IKZF4: variants seen among roughly 807,000 people sequenced by gnomAD.
The protein encoded by IKZF4 is zinc finger protein Eos.
Under a neutral mutation model 47.7 loss-of-function variants are expected in IKZF4, and 11 were observed. That is an observed-to-expected ratio of 0.23 (90% CI 0.15 to 0.38). The LOEUF (loss-of-function observed/expected upper bound fraction) is 0.38, where lower values mean the gene tolerates loss of function less well. Ranked by LOEUF, IKZF4 falls within the 10% of genes least tolerant of loss-of-function variation. IKZF4 has a pLI of 1.00. For missense variants in IKZF4, 557 were observed against 784.9 expected (o/e 0.71, Z 3.47); for synonymous variants, 298 against 299.4 (o/e 1.00, Z 0.05).
At chr12:56,022,789 C>CAG (rs1312273637) in intron 1 of IKZF4, among the ~76,000 whole-genome samples, 1 of 150,082 alleles carries the variant, frequency 6.7e-6, no homozygotes, top group East Asian at 1.9e-4. Context: ...GCTTTTCCCT[C>CAG]AGTGTTTCTT....
rs777216528 is a variant in IKZF4, at chr12:56,027,767, C to G, written c.548-13C>G. The G allele has an allele frequency of 1.9e-6, 3 of 1,610,478 alleles. No individual in the cohort carries two copies. The highest frequency in any genetic ancestry group is 2.5e-6 in the Non-Finnish European group (3 of 1,178,224). Reference sequence around the variant, plus strand: ...CACATGCAGTCCTCTGGGATTTGTTCTTTCACTTGCAGGTGAAAGGCCCTT... The same window carrying G: ...CACATGCAGTCCTCTGGGATTTGTTGTTTCACTTGCAGGTGAAAGGCCCTT... On this transcript the variant is annotated splice_polypyrimidine_tract_variant and intron_variant, in intron 4 of 7. Coordinates refer to ENST00000547167, the MANE Select transcript of IKZF4 (RefSeq NM_022465.4).
chr12:56,027,721 G>A (rs1894256038), intron 4 of IKZF4, 59 bp from the exon 5 acceptor site: 7 of 1,561,242 alleles, frequency 4.5e-6, no homozygotes, highest in Non-Finnish European at 6.1e-6. Flanking sequence ...GTGGGTGATA[G>A]GTTCAACCTT....
rs989806793 is a variant in IKZF4, at chr12:56,037,827, C to A, written c.*2496C>A. 1 of 151,918 alleles carries A rather than the reference C, an allele frequency of 6.6e-6. No homozygotes were observed. Among genetic ancestry groups the A allele is most frequent in the Non-Finnish European group, 1.5e-5 (1 of 67,942 alleles). The allele number at this position is 151,918 out of a possible 1,614,324, so 9.4% of individuals were successfully genotyped here. ...AACATCCTCATGCTCTCTCCCAGCT[C>A]CTTTTGCATAAAAAAAAAAGTAAAG... On this transcript the variant is annotated 3_prime_UTR_variant, in exon 8 of 8. Transcript: ENST00000547167.
intron 1 of IKZF4, among the ~76,000 whole-genome samples, chr12:56,022,797 CTTTTTTT>C (rs34923817): frequency 7.9e-6 from 1 of 126,292 alleles, no homozygotes; most frequent in South Asian, 2.5e-4. Context: ...CTCAGTGTTT[CTTTTTTT>C]TTTTTTTTTT....
chr12:56,032,354 A>AT lies in IKZF4; in HGVS notation c.716-206dup, dbSNP rs1895030799. On this transcript the variant is annotated intron_variant, in intron 5 of 7. Transcript: ENST00000547167. ...CATGCCCTAGGATTCCCTTGCCCCC[A>AT]TAACTGCACATTATCCTTCATCATC... The AT allele has an allele frequency of 4.5e-5, 25 of 551,826 alleles. No individual in the cohort carries two copies. The South Asian group carries it at 5.6e-4, about 12-fold the overall frequency. The allele number at this position is 551,826 out of a possible 1,614,324, so 34.2% of individuals were successfully genotyped here. A position where few individuals can be genotyped will look rare whatever the true frequency, so the allele number is the denominator to read the frequency against.
At chr12:56,023,841 CTCTT>C (rs1308755314) in intron 2 of IKZF4, 77 bp downstream of exon 2, 1 of 1,552,906 alleles carries the variant, frequency 6.4e-7, no homozygotes, top group African/African-American at 1.4e-5. Context: ...GGCTTCCTCT[CTCTT>C]TCTTGCACTC....
intron 5 of IKZF4, among the ~76,000 whole-genome samples, chr12:56,030,921 C>T (rs11613544): frequency 0.016 from 2,404 of 152,182 alleles, 21 homozygotes; most frequent in Middle Eastern, 0.037. Flanking sequence ...ATTTCAAAAT[C>T]GCTAGAAGAG....
chr12:56,025,315 T>A (rs1213609028), intron 3 of IKZF4, among the ~76,000 whole-genome samples, 157 bp downstream of exon 3: 3 of 152,364 alleles, frequency 2.0e-5, no homozygotes, highest in Admixed American at 2.0e-4. Context: ...TCTAGGGTTT[T>A]TCTGGCTTCT....
chr12:56,035,149 C>T lies in IKZF4; in HGVS notation c.1576C>T (p.Pro526Ser). Residue 526 changes from proline to serine, a missense_variant, in exon 8 of 8, where the codon CCT (proline) becomes TCT (serine). Pro to Ser is a moderately conservative substitution (Grantham distance 74). Transcript: ENST00000547167. The surrounding 1 kb of genome is among the most constrained non-coding windows in gnomAD (Gnocchi z 6.1). ...VLRVVGESGE[P>S]VKAFKCEHCR... The stretch of plus-strand genomic sequence containing the variant: ...TCGGGTGGTGGGCGAGAGTGGTGAG[C>T]CTGTGAAGGCCTTCAAGTGTGAGCA... 1 of 1,614,088 alleles carries T rather than the reference C, an allele frequency of 6.2e-7. No individual in the cohort carries two copies. The highest frequency in any genetic ancestry group is 8.5e-7 in the Non-Finnish European group (1 of 1,179,938).
chr12:56,026,062 A>G (rs1280733491), intron 3 of IKZF4, among the ~76,000 whole-genome samples: 1 of 152,040 alleles, frequency 6.6e-6, no homozygotes, highest in African/African-American at 2.4e-5. Context: ...CAGCCTCCGA[A>G]GTAGCTGGGA....
rs1205340340 is a variant in IKZF4, at chr12:56,025,079, G to A, written c.207G>A (p.Lys69=). The A allele has an allele frequency of 6.3e-7, 1 of 1,597,658 alleles. No individual in the cohort carries two copies. Among genetic ancestry groups the A allele is most frequent in the Admixed American group, 1.7e-5 (1 of 57,578 alleles). Residue 69 remains lysine, a synonymous_variant, in exon 3 of 8, where the codon AAG becomes AAA. Coordinates refer to ENST00000547167, the MANE Select transcript of IKZF4 (RefSeq NM_022465.4). ...CESSGDSSLE[K]EFLGAPVGPS... ...GTAGCGGGGACTCATCTCTGGAGAA[G>A]GAGTTCCTCGGGGCCCCAGTGGGGC...
chr12:56,021,230 C>G lies in IKZF4; in HGVS notation c.-264C>G. The G allele has an allele frequency of 2.8e-6, 4 of 1,454,124 alleles. No homozygotes were observed. Among genetic ancestry groups the G allele is most frequent in the Non-Finnish European group, 3.6e-6 (4 of 1,104,474 alleles). The allele number at this position is 1,454,124 out of a possible 1,614,324, so 90.1% of individuals were successfully genotyped here. Reference sequence around the variant, plus strand: ...TACACATATACATTCTCTCCAGCCCCCTCCCCAAGCACATCCAAGCGTGCT... The same window carrying G: ...TACACATATACATTCTCTCCAGCCCGCTCCCCAAGCACATCCAAGCGTGCT... On this transcript the variant is annotated 5_prime_UTR_variant, in exon 1 of 8. Coordinates refer to ENST00000547167, the MANE Select transcript of IKZF4 (RefSeq NM_022465.4).
chr12:56,013,993 A>G (rs1891676300), intron 2 of IKZF4, among the ~76,000 whole-genome samples: 1 of 152,188 alleles, frequency 6.6e-6, no homozygotes, highest in South Asian at 2.1e-4. Flanking sequence ...TCTACTAAAA[A>G]TACAAAAATT....
At chr12:56,008,828 C>A (rs1484906576) in intron 1 of IKZF4, among the ~76,000 whole-genome samples, 18 of 152,026 alleles carry the variant, frequency 1.2e-4, no homozygotes, top group Admixed American at 1.2e-3. Flanking sequence ...GCACCCGCCA[C>A]CACCCCTGGC....
chr12:56,009,084 A>G (rs1394332600), intron 1 of IKZF4, among the ~76,000 whole-genome samples: 1 of 152,048 alleles, frequency 6.6e-6, no homozygotes, highest in Non-Finnish European at 1.5e-5. Context: ...AATAGTTCCT[A>G]CTGTGCCTGT....
In IKZF4 at chr12:56,035,475, C is replaced by G; in HGVS notation, c.*144C>G. On this transcript the variant is annotated 3_prime_UTR_variant, in exon 8 of 8. Transcript: ENST00000547167. This position sits in a 1 kb window ranked among gnomAD's most constrained non-coding sequence, Gnocchi z 6.1. ...CTCACACCTGACCCTGACCCCTCCT[C>G]ACCTATTCTCTTCCTCTATCCTGAC... is the stretch of plus-strand genomic sequence containing the variant. 1.4e-6 allele frequency: 1 copy of G among 728,108 alleles called. No individual in the cohort carries two copies. Among genetic ancestry groups the G allele is most frequent in the Non-Finnish European group, 2.3e-6 (1 of 435,506 alleles). The allele number at this position is 728,108 out of a possible 1,614,324, so 45.1% of individuals were successfully genotyped here. A position where few individuals can be genotyped will look rare whatever the true frequency, so the allele number is the denominator to read the frequency against.
At chr12:56,008,196 G>A (rs562325046) in intron 1 of IKZF4, among the ~76,000 whole-genome samples, 1 of 152,336 alleles carries the variant, frequency 6.6e-6, no homozygotes, top group South Asian at 2.1e-4. Context: ...AGATCTGGGA[G>A]GCAATGAGCA....
chr12:56,026,863 C>T lies in IKZF4; in HGVS notation c.369C>T (p.Asp123=), dbSNP rs762586140. The change falls in exon 4 of 8, where the codon GAC becomes GAT. Residue 123 remains aspartate, a synonymous_variant. Transcript: ENST00000547167. The stretch of plus-strand genomic sequence containing the variant: ...CAGATGAGCGGCTCCTGGAAAAGGA[C>T]GACAGCGTGATTGTGGAAGATTCAT... ...LGPDERLLEK[D]DSVIVEDSLS... is the part of the protein sequence containing the mutation. The T allele has an allele frequency of 4.0e-5, 65 of 1,613,032 alleles. No individual in the cohort carries two copies. The highest frequency in any genetic ancestry group is 8.4e-5 in the Admixed American group (5 of 59,850).
chr12:56,008,637 A>G (rs1376456638), intron 1 of IKZF4, among the ~76,000 whole-genome samples: 1 of 151,638 alleles, frequency 6.6e-6, no homozygotes. Context: ...ATCCCCATCC[A>G]AGGTCAAGAA....
Sources: allele counts gnomAD v4.1 joint callset (sites outside exome capture counted in the v4.1 genomes callset), GRCh38; gene constraint gnomAD v4.1.1; non-coding constraint Gnocchi (gnomAD v3.1); transcripts MANE v1.5; gene names NCBI Gene and HGNC (gene_info 2026-07-23, HGNC 2026-07-21).